The following FHIT variants were observed in gnomAD, a reference collection of about 807,000 sequenced individuals.
FHIT encodes fragile histidine triad diadenosine triphosphatase, also known as bis(5'-adenosyl)-triphosphatase.
A neutral mutation model predicts 17.9 loss-of-function variants in FHIT; 19 were observed. The ratio of observed to expected loss-of-function variants is 1.06; its 90% CI spans 0.74 to 1.56. FHIT has a LOEUF of 1.56. Among genes scored for constraint, FHIT ranks in the 40% most tolerant of loss-of-function variants. The pLI, the probability that FHIT is intolerant of heterozygous loss-of-function variation, is 0.00. For synonymous variants in FHIT, 81 were observed against 69.7 expected (o/e 1.16, Z -0.81); for missense variants, 248 against 189.2 (o/e 1.31, Z -1.82).
At chr3:61,190,437 G>A (rs2038676576) in intron 2 of FHIT, among the ~76,000 whole-genome samples, 2 of 152,200 alleles carry the variant, frequency 1.3e-5, no homozygotes, top group Non-Finnish European at 1.5e-5. Context: ...AACAACAGGT[G>A]CTAGAGAGGA....
At chr3:61,006,678 A>G (rs1490189003) in intron 3 of FHIT, among the ~76,000 whole-genome samples, 2 of 151,906 alleles carry the variant, frequency 1.3e-5, no homozygotes, top group Non-Finnish European at 2.9e-5. Flanking sequence ...TATACATAAC[A>G]CATTTTCTCT....
intron 7 of FHIT, among the ~76,000 whole-genome samples, chr3:60,007,397 G>A (rs1190882137): frequency 6.6e-6 from 1 of 152,146 alleles, no homozygotes; most frequent in African/African-American, 2.4e-5. Flanking sequence ...ACTGCATGCT[G>A]GAATACACAT....
intron 5 of FHIT, among the ~76,000 whole-genome samples, chr3:60,273,623 A>G (rs1706977233): frequency 6.6e-6 from 1 of 152,140 alleles, no homozygotes; most frequent in African/African-American, 2.4e-5. Flanking sequence ...AAAAAAAGAA[A>G]AAAGCCTCAT....
Position 60,114,530 on chromosome 3 carries a change from C to G in FHIT, c.104-100378G>C, listed in dbSNP as rs1210206052. ...TTTTTTTTTGAGACAAGGTCTCAGTCTGTTTCCCAGGCCTGAGTGAAGGTG... is the reference window on the plus strand; with the variant it reads ...TTTTTTTTTGAGACAAGGTCTCAGTGTGTTTCCCAGGCCTGAGTGAAGGTG... On this transcript the variant is annotated intron_variant, in intron 5 of 9. Coordinates refer to ENST00000492590, the MANE Select transcript of FHIT (RefSeq NM_002012.4). 3.0e-5 allele frequency among the ~76,000 whole-genome samples: 3 copies of G among 98,898 alleles called. 1 individual carries two copies. Among genetic ancestry groups the G allele is most frequent in the Non-Finnish European group, 5.6e-5 (3 of 53,350 alleles). The allele number at this position is 98,898 out of a possible 152,430, so 64.9% of individuals were successfully genotyped here.
chr3:60,918,672 C>A (rs1304938564), intron 3 of FHIT, among the ~76,000 whole-genome samples: 2 of 152,142 alleles, frequency 1.3e-5, no homozygotes, highest in African/African-American at 4.8e-5. Context: ...CAGGGGCAGA[C>A]ACATAGATTA....
At chr3:60,881,273 G>A (rs1372789938) in intron 3 of FHIT, among the ~76,000 whole-genome samples, 2 of 152,106 alleles carry the variant, frequency 1.3e-5, no homozygotes, top group African/African-American at 4.8e-5. Flanking sequence ...ATCCAACACT[G>A]GAACACATTG....
chr3:60,497,282 G>A (rs954815259), intron 5 of FHIT, among the ~76,000 whole-genome samples: 1 of 151,938 alleles, frequency 6.6e-6, no homozygotes, highest in African/African-American at 2.4e-5. Flanking sequence ...TAAGATGACA[G>A]GTGGGGAAGA....
chr3:59,910,929 T>G (rs1704840542), intron 8 of FHIT, among the ~76,000 whole-genome samples: 1 of 152,202 alleles, frequency 6.6e-6, no homozygotes, highest in African/African-American at 2.4e-5. Flanking sequence ...TTTTGCAGAC[T>G]TGTAGCCCAG....
At chr3:60,860,250 A>G (rs1011536451) in intron 3 of FHIT, among the ~76,000 whole-genome samples, 40 of 142,712 alleles carry the variant, frequency 2.8e-4, no homozygotes, top group African/African-American at 8.9e-4. Flanking sequence ...GGTATACATG[A>G]GATACATCAT....
chr3:60,881,059 A>T (rs1434641585), intron 3 of FHIT, among the ~76,000 whole-genome samples: 6 of 152,228 alleles, frequency 3.9e-5, no homozygotes, highest in Non-Finnish European at 8.8e-5. Context: ...AATTCACTTC[A>T]CTACTAAGGA....
intron 4 of FHIT, among the ~76,000 whole-genome samples, chr3:60,637,518 A>G (rs1016696776): frequency 6.6e-6 from 1 of 152,182 alleles, no homozygotes; most frequent in Non-Finnish European, 1.5e-5. Context: ...AATTTGTTGA[A>G]AAAATGAACT....
chr3:59,752,436 G>A (rs1376149327), intron 8 of FHIT, 115 bp from the exon 9 acceptor site: 1 of 624,300 alleles, frequency 1.6e-6, no homozygotes, highest in Admixed American at 2.9e-5. Flanking sequence ...GCCAGTAGGT[G>A]TATCTTTTAA....
At chr3:60,731,466 A>G (rs1482080858) in intron 4 of FHIT, among the ~76,000 whole-genome samples, 1 of 152,148 alleles carries the variant, frequency 6.6e-6, no homozygotes, top group Non-Finnish European at 1.5e-5. Context: ...GGGGTTTCAT[A>G]TATTGGCATA....
intron 5 of FHIT, among the ~76,000 whole-genome samples, chr3:60,077,688 A>T (rs1235546548): frequency 1.5e-4 from 5 of 32,350 alleles, no homozygotes; most frequent in East Asian, 2.7e-3. Context: ...ATTTTACTTC[A>T]CACACACACA....
At chr3:59,976,319 A>G (rs1575801286) in intron 7 of FHIT, among the ~76,000 whole-genome samples, 1 of 152,248 alleles carries the variant, frequency 6.6e-6, no homozygotes, top group South Asian at 2.1e-4. Context: ...ATCCAAAAAT[A>G]CCCGCTAAAG....
At chr3:60,145,729 C>G (rs6789183) in intron 5 of FHIT, among the ~76,000 whole-genome samples, 21,322 of 152,078 alleles carry the variant, frequency 0.14, 2,480 homozygotes, top group African/African-American at 0.32. Flanking sequence ...ATCCTGGTCC[C>G]CTTTATCTAT....
intron 2 of FHIT, among the ~76,000 whole-genome samples, chr3:61,173,522 A>C (rs915741016): frequency 5.9e-5 from 9 of 152,210 alleles, no homozygotes; most frequent in Admixed American, 2.6e-4. Flanking sequence ...ATAGCATTTC[A>C]CTGTATTTCA....
intron 5 of FHIT, among the ~76,000 whole-genome samples, chr3:60,122,590 C>A (rs1705310976): frequency 6.6e-6 from 1 of 152,086 alleles, no homozygotes. Flanking sequence ...GAAAAAGCAG[C>A]CCCTCCTGAA....
chr3:59,981,160 T>TA (rs1384267965), intron 7 of FHIT, among the ~76,000 whole-genome samples: 1 of 152,192 alleles, frequency 6.6e-6, no homozygotes, highest in Non-Finnish European at 1.5e-5. Context: ...ATGGATTTAT[T>TA]ACAAAAACCT....
Sources: gnomAD v4.1 joint callset for allele counts (sites outside exome capture counted in the v4.1 genomes callset) on GRCh38, gnomAD v4.1.1 for gene constraint, MANE v1.5 for transcripts, NCBI Gene and HGNC (gene_info 2026-07-23, HGNC 2026-07-21) for gene names.